SDK1: variants seen among roughly 807,000 people sequenced by gnomAD.
SDK1 encodes sidekick cell adhesion molecule 1.
Under a neutral mutation model 245.5 loss-of-function variants are expected in SDK1, and 157 were observed. The ratio of observed to expected loss-of-function variants is 0.64; its 90% CI spans 0.56 to 0.73. The LOEUF (loss-of-function observed/expected upper bound fraction) is 0.73. Among genes scored for constraint, SDK1 ranks in the 30% least tolerant of loss-of-function variants. The probability of loss-of-function intolerance (pLI) is 0.00; values close to 1 mark genes in which losing one functional copy is unlikely to be tolerated. For synonymous variants in SDK1, 1,647 were observed against 1,278.5 expected, an observed-to-expected ratio of 1.29 and a Z score of -6.15; for missense variants, 3,583 against 3,002.3, an observed-to-expected ratio of 1.19 and a Z score of -4.52.
chr7:4,243,269 A>G (rs1371839950), intron 43 of SDK1, among the ~76,000 whole-genome samples: 2 of 152,226 alleles, frequency 1.3e-5, no homozygotes, highest in Non-Finnish European at 2.9e-5. Context: ...TAGGAAAGAG[A>G]AACATCATTT....
intron 23 of SDK1, 77 bp downstream of exon 23, chr7:4,110,849 A>G: frequency 1.0e-6 from 1 of 960,408 alleles, no homozygotes; most frequent in Non-Finnish European, 1.7e-6. Flanking sequence ...GGCAATAGTA[A>G]AACCCAGTCG....
intron 1 of SDK1, among the ~76,000 whole-genome samples, chr7:3,394,272 C>G (rs796845225): frequency 9.2e-5 from 14 of 152,130 alleles, no homozygotes; most frequent in African/African-American, 3.1e-4. Context: ...TCCAATTGTT[C>G]TGGTTTTATT....
chr7:4,016,724 A>T (rs60180277), intron 16 of SDK1, among the ~76,000 whole-genome samples: 1 of 152,144 alleles, frequency 6.6e-6, no homozygotes, highest in Non-Finnish European at 1.5e-5. Flanking sequence ...CAAACCTGCA[A>T]TTCCTAAATG....
At chr7:3,325,968 T>C (rs1010949212) in intron 1 of SDK1, among the ~76,000 whole-genome samples, 8 of 152,114 alleles carry the variant, frequency 5.3e-5, no homozygotes, top group Non-Finnish European at 1.0e-4. Context: ...TACACTCTCA[T>C]AGGGATAAAG....
At chr7:4,022,346 G>T (rs756404057) in intron 17 of SDK1, among the ~76,000 whole-genome samples, 1 of 152,180 alleles carries the variant, frequency 6.6e-6, no homozygotes, top group Non-Finnish European at 1.5e-5. Flanking sequence ...GCAGCTTGAG[G>T]TATCCGGGGA....
intron 22 of SDK1, among the ~76,000 whole-genome samples, chr7:4,087,310 T>G (rs1781485769): frequency 6.6e-6 from 1 of 152,182 alleles, no homozygotes; most frequent in South Asian, 2.1e-4. Flanking sequence ...TAACATTAAA[T>G]TCTCATACGC....
At chr7:3,940,930 C>G (rs1780343736) in intron 5 of SDK1, among the ~76,000 whole-genome samples, 1 of 152,056 alleles carries the variant, frequency 6.6e-6, no homozygotes, top group Non-Finnish European at 1.5e-5. Flanking sequence ...CTCCTACTTT[C>G]AATCACCGCC....
intron 4 of SDK1, among the ~76,000 whole-genome samples, chr7:3,764,441 T>C (rs1022657180): frequency 6.6e-6 from 1 of 152,138 alleles, no homozygotes; most frequent in African/African-American, 2.4e-5. Flanking sequence ...ATCCCAACAC[T>C]TTGGGAGGCC....
chr7:3,827,765 C>G (rs891872429), intron 5 of SDK1, among the ~76,000 whole-genome samples: 1 of 152,160 alleles, frequency 6.6e-6, no homozygotes, highest in African/African-American at 2.4e-5. Context: ...TTCATGCTCT[C>G]CCTCCCCTTT....
At chr7:4,113,986 G>A (rs1474098692) in intron 24 of SDK1, 51 bp from the exon 25 acceptor site, 4 of 1,509,534 alleles carry the variant, frequency 2.6e-6, no homozygotes, top group Non-Finnish European at 2.8e-6. Flanking sequence ...CAACCCGTGA[G>A]GGTGGCAGTT....
At chr7:3,352,087 ATAAAT>A (rs1179758746) in intron 1 of SDK1, among the ~76,000 whole-genome samples, 1 of 150,658 alleles carries the variant, frequency 6.6e-6, no homozygotes, top group Non-Finnish European at 1.5e-5. Flanking sequence ...TTGTATGTCA[ATAAAT>A]TAAGAAGTAT....
At position 3,521,607 on chromosome 7, in the gene SDK1, G is replaced by A. The variant is rs188671785; in HGVS notation, c.299-97473G>A. Among the ~76,000 whole-genome samples, 369 of 152,270 alleles carry A rather than the reference G, an allele frequency of 2.4e-3. 3 individuals are homozygous for A. The highest frequency in any genetic ancestry group is 0.018 in the South Asian group (88 of 4,824). ...TTAGTGAAGATGGAAAATAGCAAAG[G>A]CCTTATAGAGGAGGAAGCACGTGAA... On this transcript the variant is annotated intron_variant, in intron 1 of 44. Transcript: ENST00000404826.
intron 1 of SDK1, among the ~76,000 whole-genome samples, chr7:3,449,852 A>G (rs1009447796): frequency 9.9e-5 from 15 of 152,160 alleles, no homozygotes; most frequent in African/African-American, 3.6e-4. Context: ...TTGCCCTCCT[A>G]TAGCTTAGGA....
intron 4 of SDK1, among the ~76,000 whole-genome samples, chr7:3,804,768 C>T (rs1488825578): frequency 6.6e-6 from 1 of 152,130 alleles, no homozygotes; most frequent in Non-Finnish European, 1.5e-5. Flanking sequence ...CATACAAGTT[C>T]TGTACGTATT....
chr7:4,092,384 C>T (rs963272624), intron 22 of SDK1, among the ~76,000 whole-genome samples: 4 of 152,192 alleles, frequency 2.6e-5, no homozygotes, highest in African/African-American at 9.7e-5. Context: ...GTCCCATGGG[C>T]TCCCTGGTCC....
intron 1 of SDK1, among the ~76,000 whole-genome samples, chr7:3,583,990 C>A (rs909527191): frequency 6.6e-6 from 1 of 152,100 alleles, no homozygotes; most frequent in Non-Finnish European, 1.5e-5. Context: ...CAGACTCCAC[C>A]CCAAGTCCAC....
At chr7:3,712,405 C>A (rs1254839468) in intron 4 of SDK1, among the ~76,000 whole-genome samples, 1 of 152,160 alleles carries the variant, frequency 6.6e-6, no homozygotes, top group African/African-American at 2.4e-5. Flanking sequence ...TTCAGAGCTT[C>A]CACTGATTCT....
intron 32 of SDK1, among the ~76,000 whole-genome samples, chr7:4,168,927 G>A (rs970820903): frequency 6.6e-6 from 1 of 152,178 alleles, no homozygotes; most frequent in African/African-American, 2.4e-5. Flanking sequence ...CACCACCAGT[G>A]TGAACAGCAA....
chr7:3,685,139 A>C (rs1001645073), intron 4 of SDK1, among the ~76,000 whole-genome samples: 1 of 152,128 alleles, frequency 6.6e-6, no homozygotes, highest in African/African-American at 2.4e-5. Flanking sequence ...CGGGAAGCTG[A>C]GTGAACCTCA....
Sources: allele counts gnomAD v4.1 joint callset (sites outside exome capture counted in the v4.1 genomes callset), GRCh38; gene constraint gnomAD v4.1.1; transcripts MANE v1.5; gene names NCBI Gene and HGNC (gene_info 2026-07-23, HGNC 2026-07-21).